The following SCG3 variants were observed in gnomAD, a reference collection of about 807,000 sequenced individuals.
SCG3 encodes the protein secretogranin III.
In SCG3, 38 loss-of-function variants were observed where a neutral mutation model predicts 56.2. The observed-to-expected ratio is 0.68, with a 90% CI of 0.52 to 0.89. The LOEUF is 0.89. Ranked by LOEUF, SCG3 falls within the 40% of genes least tolerant of loss-of-function variation. The pLI is 0.00. For missense variants in SCG3, 524 were observed against 540.7 expected, an observed-to-expected ratio of 0.97 and a Z score of 0.31; for synonymous variants, 176 against 184.2, an observed-to-expected ratio of 0.96 and a Z score of 0.36.
chr15:51,711,380 A>G (rs1414106623), intron 10 of SCG3, among the ~76,000 whole-genome samples: 2 of 152,238 alleles, frequency 1.3e-5, no homozygotes, highest in African/African-American at 4.8e-5. Flanking sequence ...AAGATAGTAG[A>G]AAAAATGCTT....
In SCG3 at chr15:51,713,351, T is replaced by C; in HGVS notation, c.1226T>C (p.Leu409Ser). ...CTTCCAGGAAAAACAGAAGCCTATT[T>C]GGAAGCCATCAGAAAAAATATTGAA... ...DEPKGKTEAY[L>S]EAIRKNIEWL... The change falls in exon 11 of 12, where the codon TTG becomes TCG. Residue 409 changes from leucine (L) to serine (S), a missense_variant. Leu to Ser is a moderately radical substitution (Grantham distance 145). Transcript: ENST00000220478. 5 of 1,603,086 alleles carry C rather than the reference T, an allele frequency of 3.1e-6. No individual in the cohort carries two copies. The highest frequency in any genetic ancestry group is 4.3e-6 in the Non-Finnish European group (5 of 1,175,804).
At chr15:51,688,002 T>A (rs17648801) in intron 4 of SCG3, among the ~76,000 whole-genome samples, 1 of 152,208 alleles carries the variant, frequency 6.6e-6, no homozygotes, top group Admixed American at 6.5e-5. Flanking sequence ...AAATGGAGAC[T>A]ACTTTTCTGT....
In SCG3 at chr15:51,713,348, A is replaced by G; in HGVS notation, c.1223A>G (p.Tyr408Cys). Reference sequence around the variant, plus strand: ...CCTCTTCCAGGAAAAACAGAAGCCTATTTGGAAGCCATCAGAAAAAATATT... The same window carrying G: ...CCTCTTCCAGGAAAAACAGAAGCCTGTTTGGAAGCCATCAGAAAAAATATT... ...TDEPKGKTEAYLEAIRKNIEW... is the reference protein window; with the variant it reads ...TDEPKGKTEACLEAIRKNIEW... Residue 408 changes from tyrosine (Y) to cysteine (C), a missense_variant, in exon 11 of 12, where the codon TAT becomes TGT. Transcript: ENST00000220478. 1 of 1,600,376 alleles carries G rather than the reference A, an allele frequency of 6.2e-7. No homozygotes were observed. The highest frequency in any genetic ancestry group is 8.5e-7 in the Non-Finnish European group (1 of 1,174,778).
In SCG3 at chr15:51,704,770, T is replaced by C. The variant is rs1456727821; in HGVS notation, c.1207+3526T>C. 5.7e-5 allele frequency among the ~76,000 whole-genome samples: 6 copies of C among 105,910 alleles called. No individual in the cohort carries two copies. In the South Asian group the frequency reaches 1.6e-3, roughly 28 times the overall value. The allele number at this position is 105,910 out of a possible 152,430, so 69.5% of individuals were successfully genotyped here. A position where few individuals can be genotyped will look rare whatever the true frequency, so the allele number is the denominator to read the frequency against. ...TTGGCTGTTGTGAGTAATACATATA[T>C]ATATATATATATATATATATATATA... On this transcript the variant is annotated intron_variant, in intron 10 of 11. Coordinates refer to ENST00000220478, the MANE Select transcript of SCG3 (RefSeq NM_013243.4).
At chr15:51,688,135 A>C in intron 4 of SCG3, 125 bp from the exon 5 acceptor site, 1 of 907,474 alleles carries the variant, frequency 1.1e-6, no homozygotes, top group South Asian at 3.5e-5. Context: ...TGGACCGAGA[A>C]CCACCATAAA....
At chr15:51,709,208 T>C (rs1475080141) in intron 10 of SCG3, among the ~76,000 whole-genome samples, 1 of 152,174 alleles carries the variant, frequency 6.6e-6, no homozygotes, top group Non-Finnish European at 1.5e-5. Context: ...AAAAGCCCCT[T>C]ACGTAACCAT....
chr15:51,701,496 A>T (rs1171811734), intron 10 of SCG3, among the ~76,000 whole-genome samples: 3 of 152,188 alleles, frequency 2.0e-5, no homozygotes, highest in Admixed American at 2.0e-4. Flanking sequence ...GTGTTTGGAG[A>T]GGAATATGTA....
At chr15:51,715,754 C>T (rs1037536366) in intron 11 of SCG3, among the ~76,000 whole-genome samples, 7 of 152,046 alleles carry the variant, frequency 4.6e-5, no homozygotes, top group African/African-American at 1.2e-4. Context: ...CAGTAATAGC[C>T]GTGTCATAAA....
At chr15:51,712,420 C>T (rs114378818) in intron 10 of SCG3, among the ~76,000 whole-genome samples, 1,968 of 152,276 alleles carry the variant, frequency 0.013, 48 homozygotes, top group African/African-American at 0.046. Context: ...TAGGGCCTCA[C>T]CTGGTTAAGA....
chr15:51,695,984 C>T lies in SCG3; in HGVS notation c.978C>T (p.Ser326=), dbSNP rs766339472. The change falls in exon 8 of 12, where the codon TCC becomes TCT. Residue 326 remains serine (S), a synonymous_variant. Coordinates refer to ENST00000220478, the MANE Select transcript of SCG3 (RefSeq NM_013243.4). The part of the protein sequence containing the change: ...YGTISPEEGV[S]YLENLDEMIA... ...CAATATCTCCAGAAGAAGGTGTTTC[C>T]TACCTTGGTGAGATTCTATGTGTTT... The T allele has an allele frequency of 5.1e-6, 8 of 1,562,476 alleles. No individual in the cohort carries two copies. The highest frequency in any genetic ancestry group is 4.5e-5 in the South Asian group (4 of 89,788).
Position 51,681,731 on chromosome 15 carries a change from T to G in SCG3, c.-25T>G. On this transcript the variant is annotated 5_prime_UTR_variant, in exon 1 of 12. Coordinates refer to ENST00000220478, the MANE Select transcript of SCG3 (RefSeq NM_013243.4). ...CAGCTCCAGGAGCCCAGCGCCGGGC[T>G]GTGACCCAAGCCGAGCGTGGAAGAA... The G allele has an allele frequency of 6.4e-7, 1 of 1,565,588 alleles. No homozygotes were observed.
At chr15:51,713,685 G>A (rs2055435803) in intron 11 of SCG3, among the ~76,000 whole-genome samples, 1 of 152,202 alleles carries the variant, frequency 6.6e-6, no homozygotes, top group African/African-American at 2.4e-5. Context: ...ATGGATCCCT[G>A]TGTCTCCAGC....
chr15:51,706,523 C>T (rs1015076303), intron 10 of SCG3, among the ~76,000 whole-genome samples: 1 of 152,068 alleles, frequency 6.6e-6, no homozygotes, highest in Admixed American at 6.6e-5. Flanking sequence ...CAGCTAAAAC[C>T]ACTTAAGGAA....
chr15:51,702,520 G>C (rs1294982921), intron 10 of SCG3, among the ~76,000 whole-genome samples: 1 of 152,172 alleles, frequency 6.6e-6, no homozygotes, highest in African/African-American at 2.4e-5. Context: ...GCCTCCCAAA[G>C]TGCTGGGTTT....
At chr15:51,705,905 A>C (rs1402420467) in intron 10 of SCG3, among the ~76,000 whole-genome samples, 2 of 152,160 alleles carry the variant, frequency 1.3e-5, no homozygotes, top group Non-Finnish European at 2.9e-5. Context: ...TCCCTCTGCT[A>C]TTGTTCAGAG....
chr15:51,691,303 T>C (rs1008638102), intron 6 of SCG3, among the ~76,000 whole-genome samples: 1 of 152,190 alleles, frequency 6.6e-6, no homozygotes, highest in Non-Finnish European at 1.5e-5. Flanking sequence ...ATCTTTATTG[T>C]AAGAACCATG....
Position 51,699,377 on chromosome 15 carries a change from T to C in SCG3, c.1044T>C (p.Thr348=), listed in dbSNP as rs142699393. The change falls in exon 9 of 12, where the codon ACT becomes ACC. Residue 348 remains threonine, a synonymous_variant. Transcript: ENST00000220478. ...AAAACAAGCTAGAAAAAAATGCTAC[T>C]GACAATATAAGCAAGCTTTTCCCAG... ...QTKNKLEKNA[T]DNISKLFPAP... is the part of the protein sequence containing the mutation. 333 of 1,607,854 alleles carry C rather than the reference T, an allele frequency of 2.1e-4. 1 individual carries two copies. In the African/African-American group the frequency reaches 3.8e-3, roughly 18 times the overall value.
intron 6 of SCG3, among the ~76,000 whole-genome samples, chr15:51,690,196 T>C (rs1267049192): frequency 6.6e-6 from 1 of 152,190 alleles, no homozygotes; most frequent in African/African-American, 2.4e-5. Context: ...CACCTGCTCC[T>C]TCCCCTTTTC....
At chr15:51,710,369 C>T (rs1414041436) in intron 10 of SCG3, among the ~76,000 whole-genome samples, 1 of 152,150 alleles carries the variant, frequency 6.6e-6, no homozygotes, top group Non-Finnish European at 1.5e-5. Context: ...CTGTCCTAAT[C>T]ATGTATGTTA....
Sources: allele counts gnomAD v4.1 joint callset (sites outside exome capture counted in the v4.1 genomes callset), GRCh38; gene constraint gnomAD v4.1.1; transcripts MANE v1.5; gene names NCBI Gene and HGNC (gene_info 2026-07-23, HGNC 2026-07-21).